Variants in KLHL32 observed in about 807,000 individuals in gnomAD.
The protein encoded by KLHL32 is kelch-like protein 32.
Under a neutral mutation model 64.8 loss-of-function variants are expected in KLHL32, and 35 were observed. That is an observed-to-expected ratio of 0.54 (90% CI 0.41 to 0.72). The LOEUF is 0.72. KLHL32 is among the 30% of genes least tolerant of loss of function. KLHL32 has a pLI of 0.00. For missense variants in KLHL32, 589 were observed against 768.5 expected, an observed-to-expected ratio of 0.77 and a Z score of 2.76; for synonymous variants, 259 against 281.0, an observed-to-expected ratio of 0.92 and a Z score of 0.78.
At chr6:96,926,568 A>G (rs1036099731) in intron 1 of KLHL32, among the ~76,000 whole-genome samples, 2 of 152,216 alleles carry the variant, frequency 1.3e-5, no homozygotes, top group Admixed American at 1.3e-4. Context: ...TTCTGGATCC[A>G]GTCTCCTTGC....
intron 3 of KLHL32, among the ~76,000 whole-genome samples, chr6:96,989,791 C>T (rs1028545381): frequency 3.9e-5 from 6 of 152,072 alleles, no homozygotes; most frequent in Admixed American, 3.9e-4. Flanking sequence ...GGAGGATTTA[C>T]TCATTTTTTA....
intron 5 of KLHL32, among the ~76,000 whole-genome samples, chr6:97,071,078 G>A (rs1035157018): frequency 6.6e-6 from 1 of 151,954 alleles, no homozygotes; most frequent in Non-Finnish European, 1.5e-5. Flanking sequence ...TTATAAATAG[G>A]ATCAATAAGG....
At chr6:96,931,556 G>A (rs561372544) in intron 1 of KLHL32, among the ~76,000 whole-genome samples, 2 of 152,260 alleles carry the variant, frequency 1.3e-5, no homozygotes, top group East Asian at 3.9e-4. Context: ...TACCTGGTAT[G>A]GATGTATGCA....
chr6:96,935,714 A>G (rs1449693191), intron 1 of KLHL32, among the ~76,000 whole-genome samples: 3 of 152,356 alleles, frequency 2.0e-5, no homozygotes, highest in East Asian at 1.9e-4. Context: ...ATGACTGCAT[A>G]GAGAAGTCCA....
chr6:97,112,841 ATTAT>A (rs887107938), intron 6 of KLHL32, among the ~76,000 whole-genome samples: 1 of 149,454 alleles, frequency 6.7e-6, no homozygotes, highest in African/African-American at 2.4e-5. Context: ...AATATTCTTT[ATTAT>A]TTAATAATAA....
chr6:96,985,832 C>A (rs1776973170), intron 3 of KLHL32, among the ~76,000 whole-genome samples: 1 of 152,136 alleles, frequency 6.6e-6, no homozygotes, highest in South Asian at 2.1e-4. Flanking sequence ...CCTCCTTTAG[C>A]TCAGAGTAGT....
At chr6:97,044,446 G>A (rs1412143513) in intron 4 of KLHL32, among the ~76,000 whole-genome samples, 1 of 152,030 alleles carries the variant, frequency 6.6e-6, no homozygotes, top group East Asian at 1.9e-4. Flanking sequence ...TGTTCATCAT[G>A]GATATTGGCC....
upstream of KLHL32, among the ~76,000 whole-genome samples, chr6:96,922,559 AG>A (rs1263053147): frequency 1.3e-5 from 2 of 152,230 alleles, no homozygotes; most frequent in Non-Finnish European, 2.9e-5. Context: ...AGATTGAAAC[AG>A]GAACAATGTA....
intron 3 of KLHL32, among the ~76,000 whole-genome samples, chr6:97,007,499 G>T (rs1345174381): frequency 6.6e-6 from 1 of 152,100 alleles, no homozygotes; most frequent in Non-Finnish European, 1.5e-5. Context: ...AGCCATTTCA[G>T]CCTGGTTAAG....
chr6:97,091,208 G>A (rs1794171969), intron 6 of KLHL32, among the ~76,000 whole-genome samples: 1 of 152,058 alleles, frequency 6.6e-6, no homozygotes, highest in South Asian at 2.1e-4. Flanking sequence ...GACCCTGTCT[G>A]GAAGAAAAAA....
In KLHL32 at chr6:97,132,887, CT is replaced by C. The variant is rs200555785; in HGVS notation, c.1701+141del. ...GTTTTTTGTGCAACTAGTTCAGCCA[CT>C]AAACTTCATCCTGTATCCTAAAAAT... On this transcript the variant is annotated intron_variant, in intron 10 of 10. Transcript: ENST00000369261. The C allele has an allele frequency of 2.2e-3, 1,242 of 576,574 alleles. 22 individuals are homozygous for C. In the African/African-American group the frequency reaches 0.022, roughly 10 times the overall value. The allele number at this position is 576,574 out of a possible 1,614,324, so 35.7% of individuals were successfully genotyped here.
intron 6 of KLHL32, among the ~76,000 whole-genome samples, chr6:97,097,177 G>A (rs374664457): frequency 9.9e-5 from 15 of 152,214 alleles, no homozygotes; most frequent in African/African-American, 3.4e-4. Context: ...GGAGAGGCAC[G>A]ACTGTTCATT....
chr6:96,908,297 A>G, the KLHL32 span, among the ~76,000 whole-genome samples: 1 of 152,220 alleles, frequency 6.6e-6, no homozygotes, highest in African/African-American at 2.4e-5. Flanking sequence ...ACATCAAGAA[A>G]TACTCCTAGA....
intron 1 of KLHL32, among the ~76,000 whole-genome samples, chr6:96,959,904 G>A (rs1282897632): frequency 1.3e-5 from 2 of 152,202 alleles, no homozygotes; most frequent in Non-Finnish European, 2.9e-5. Context: ...CCTTTGTACT[G>A]TTGGTCTTTG....
chr6:97,032,453 TTC>T (rs1485730102), intron 3 of KLHL32, among the ~76,000 whole-genome samples: 35 of 152,206 alleles, frequency 2.3e-4, no homozygotes, highest in Admixed American at 2.3e-3. Context: ...AGGATCCCTA[TTC>T]TATGCCAGTG....
intron 6 of KLHL32, among the ~76,000 whole-genome samples, chr6:97,113,514 G>A (rs1278544205): frequency 6.6e-6 from 1 of 151,992 alleles, no homozygotes; most frequent in African/African-American, 2.4e-5. Context: ...ATCAATTACT[G>A]TTCACCCCAA....
chr6:97,038,201 A>C (rs1784576806), intron 3 of KLHL32, among the ~76,000 whole-genome samples: 1 of 152,190 alleles, frequency 6.6e-6, no homozygotes, highest in South Asian at 2.1e-4. Flanking sequence ...AAGCTTCTAC[A>C]CAGCAAAGGA....
chr6:97,027,862 T>C (rs1005204439), intron 3 of KLHL32, among the ~76,000 whole-genome samples: 1 of 152,184 alleles, frequency 6.6e-6, no homozygotes, highest in African/African-American at 2.4e-5. Context: ...TAGATACTAT[T>C]TCCAGTAGGA....
intron 1 of KLHL32, among the ~76,000 whole-genome samples, chr6:96,951,291 A>C (rs186740375): frequency 1.4e-4 from 21 of 152,240 alleles, no homozygotes; most frequent in Admixed American, 3.3e-4. Context: ...CAACAGCCCT[A>C]TACACCTTGT....
Sources: gnomAD v4.1 joint callset for allele counts (sites outside exome capture counted in the v4.1 genomes callset) on GRCh38, gnomAD v4.1.1 for gene constraint, MANE v1.5 for transcripts, NCBI Gene and HGNC (gene_info 2026-07-23, HGNC 2026-07-21) for gene names.